KCNK10: variants seen among roughly 807,000 people sequenced by gnomAD.
KCNK10 encodes the protein potassium two pore domain channel subfamily K member 10.
In KCNK10, 25 loss-of-function variants were observed where a neutral mutation model predicts 47.7. The observed-to-expected ratio is 0.52, with a 90% confidence interval of 0.38 to 0.73. KCNK10 has a LOEUF of 0.73. Among genes scored for constraint, KCNK10 ranks in the 30% least tolerant of loss-of-function variants. The probability of loss-of-function intolerance (pLI) is 0.00; values close to 1 mark genes in which losing one functional copy is unlikely to be tolerated. For synonymous variants in KCNK10, 303 were observed against 285.6 expected (o/e 1.06, Z -0.61); for missense variants, 563 against 714.5 (o/e 0.79, Z 2.42).
rs981256554 is a variant in KCNK10 at position 88,188,220 on chromosome 14, G to A, written c.869-111C>T. The A allele has an allele frequency of 2.7e-5, 35 of 1,316,256 alleles. No homozygotes were observed. In the Admixed American group the frequency reaches 6.1e-4, roughly 23 times the overall value. 81.5% of individuals were successfully genotyped at this position (1,316,256 alleles called of 1,614,324 possible). A position where few individuals can be genotyped will look rare whatever the true frequency, so the allele number is the denominator to read the frequency against. On this transcript the variant is annotated intron_variant, in intron 5 of 6. Transcript: ENST00000319231. ...GTCATCCATCATTGTTTAACACTCA[G>A]CTGTTAGGTTTGCTGTGTACAAGGT... is the stretch of plus-strand genomic sequence containing the variant.
intron 1 of KCNK10, among the ~76,000 whole-genome samples, chr14:88,302,625 G>A (rs4904444): frequency 0.58 from 88,203 of 152,128 alleles, 29,250 homozygotes; most frequent in Non-Finnish European, 0.75. Flanking sequence ...CAGGAAAATC[G>A]CTTGAACCCG....
At chr14:88,217,410 G>A (rs1391740607) in intron 4 of KCNK10, among the ~76,000 whole-genome samples, 2 of 152,162 alleles carry the variant, frequency 1.3e-5, no homozygotes, top group Non-Finnish European at 1.5e-5. Context: ...GTGCAATGCT[G>A]ATGTGCACAG....
intron 4 of KCNK10, among the ~76,000 whole-genome samples, chr14:88,198,212 G>A (rs1381790212): frequency 1.3e-5 from 2 of 152,156 alleles, no homozygotes; most frequent in African/African-American, 4.8e-5. Context: ...ACTCATAAGC[G>A]ATCACACCAC....
At chr14:88,317,867 A>C (rs1042580836) in intron 1 of KCNK10, among the ~76,000 whole-genome samples, 13 of 133,008 alleles carry the variant, frequency 9.8e-5, no homozygotes, top group Non-Finnish European at 1.9e-4. Context: ...TGTAGCATTT[A>C]AAAAAAAATC....
chr14:88,205,817 T>C (rs548797135), intron 4 of KCNK10, among the ~76,000 whole-genome samples: 19 of 152,154 alleles, frequency 1.2e-4, no homozygotes, highest in Non-Finnish European at 2.5e-4. Flanking sequence ...ACTGGGATTA[T>C]AGGCATAAGC....
rs140766604 is a variant in KCNK10 at position 88,283,252 on chromosome 14, A to G, written c.53-19701T>C. 7.3e-3 allele frequency among the ~76,000 whole-genome samples: 1,108 copies of G among 152,368 alleles called. 8 individuals are homozygous for G. The highest frequency in any genetic ancestry group is 9.6e-3 in the Non-Finnish European group (652 of 68,044). On this transcript the variant is annotated intron_variant, in intron 1 of 6. Transcript: ENST00000319231. ...ACATTTATGTAAAAAATCAGTCAAG[A>G]AAACCCAAGAGATATAAGATCTAAA...
chr14:88,260,520 A>G lies in KCNK10; in HGVS notation c.402+2682T>C, dbSNP rs1054148128. ...ACAAGTTTAAAAGAGACTGGAGCTT[A>G]TTATAAACCAAGATCTACTTAAAGG... On this transcript the variant is annotated intron_variant, in intron 2 of 6. Coordinates refer to ENST00000319231, the MANE Select transcript of KCNK10 (RefSeq NM_138317.3). The surrounding 1 kb of genome is among the most constrained non-coding windows in gnomAD (Gnocchi z 4.5). Among the ~76,000 whole-genome samples the G allele has an allele frequency of 6.6e-6, 1 of 152,212 alleles. No individual in the cohort carries two copies. Among genetic ancestry groups the G allele is most frequent in the Non-Finnish European group, 1.5e-5 (1 of 68,038 alleles).
chr14:88,226,223 T>C (rs1255848250), intron 4 of KCNK10, among the ~76,000 whole-genome samples: 1 of 152,222 alleles, frequency 6.6e-6, no homozygotes, highest in East Asian at 1.9e-4. Flanking sequence ...TGACCCAGGA[T>C]CAGTGAGATT....
At chr14:88,309,555 T>G (rs1285267200) in intron 1 of KCNK10, among the ~76,000 whole-genome samples, 1 of 152,204 alleles carries the variant, frequency 6.6e-6, no homozygotes, top group Non-Finnish European at 1.5e-5. Flanking sequence ...TGAGCTGTGA[T>G]TGCACCGCTG....
upstream of KCNK10, among the ~76,000 whole-genome samples, chr14:88,323,919 A>G (rs1888608927): frequency 6.6e-6 from 1 of 152,030 alleles, no homozygotes. Flanking sequence ...CACTCCAAGG[A>G]GGCCCGTGCC....
intron 3 of KCNK10, among the ~76,000 whole-genome samples, chr14:88,229,234 AC>A (rs1276803381): frequency 6.6e-6 from 1 of 151,676 alleles, no homozygotes; most frequent in Non-Finnish European, 1.5e-5. Context: ...CAAGTGCTAC[AC>A]CCCCTTCCTC....
chr14:88,282,656 A>G (rs974889955), intron 1 of KCNK10, among the ~76,000 whole-genome samples: 2 of 152,178 alleles, frequency 1.3e-5, no homozygotes, highest in Non-Finnish European at 1.5e-5. Context: ...TTTCAGCACA[A>G]TTGCACACTG....
At chr14:88,281,042 G>T (rs1566713493) in intron 1 of KCNK10, among the ~76,000 whole-genome samples, 2 of 152,000 alleles carry the variant, frequency 1.3e-5, no homozygotes, top group Non-Finnish European at 2.9e-5. Flanking sequence ...TAAAATGCAA[G>T]CCCCTTATCA....
At chr14:88,317,439 C>G (rs1888452095) in intron 1 of KCNK10, among the ~76,000 whole-genome samples, 1 of 152,194 alleles carries the variant, frequency 6.6e-6, no homozygotes, top group South Asian at 2.1e-4. Context: ...TAAGCACAAC[C>G]TGCTGAAAAT....
rs540444732 is a variant in KCNK10 at position 88,192,711 on chromosome 14, G to A, written c.682-301C>T. 2.0e-5 allele frequency among the ~76,000 whole-genome samples: 3 copies of A among 152,318 alleles called. No homozygotes were observed. In the East Asian group the frequency reaches 5.8e-4, roughly 29 times the overall value. ...TTTCTTGCATGGTTCCATGACTGCA[G>A]CCCAAATGCTGATTCTGACTTCTCA... On this transcript the variant is annotated intron_variant, in intron 4 of 6. Transcript: ENST00000319231.
chr14:88,282,310 C>T lies in KCNK10; in HGVS notation c.53-18759G>A, dbSNP rs116607218. ...AGCATGCATCCAGCTCTAAAATCCA[C>T]GCTCTATCAAGACATCCTGCCACCT... On this transcript the variant is annotated intron_variant, in intron 1 of 6. Coordinates refer to ENST00000319231, the MANE Select transcript of KCNK10 (RefSeq NM_138317.3). Among the ~76,000 whole-genome samples, 1,017 of 152,292 alleles carry T rather than the reference C, an allele frequency of 6.7e-3. 12 individuals carry two copies. The highest frequency in any genetic ancestry group is 0.023 in the African/African-American group (937 of 41,546).
intron 1 of KCNK10, chr14:88,271,015 C>T: frequency 1.7e-6 from 1 of 590,760 alleles, no homozygotes; most frequent in South Asian, 2.0e-5. Context: ...CCCAGCAGCA[C>T]CCAGACCCGC....
chr14:88,304,116 G>GCCCAGGAA, intron 1 of KCNK10, among the ~76,000 whole-genome samples: 1 of 152,036 alleles, frequency 6.6e-6, no homozygotes, highest in East Asian at 1.9e-4. Flanking sequence ...AGGAGTTGGA[G>GCCCAGGAA]ACCAGCCTGG....
chr14:88,271,404 T>A (rs1887402190), intron 1 of KCNK10, among the ~76,000 whole-genome samples: 3 of 152,154 alleles, frequency 2.0e-5, no homozygotes, highest in Non-Finnish European at 4.4e-5. Context: ...TTTTTTCCCA[T>A]AGGCAGAAAT....
Sources: allele counts gnomAD v4.1 joint callset (sites outside exome capture counted in the v4.1 genomes callset), GRCh38; gene constraint gnomAD v4.1.1; non-coding constraint Gnocchi (gnomAD v3.1); transcripts MANE v1.5; gene names NCBI Gene and HGNC (gene_info 2026-07-23, HGNC 2026-07-21).